Variants in SLC9B2 observed in about 807,000 individuals in gnomAD.
The protein encoded by SLC9B2 is solute carrier family 9 member B2.
SLC9B2 carries 39 observed loss-of-function variants against 52.2 expected under a neutral mutation model. The observed-to-expected ratio is 0.75, with a 90% CI of 0.58 to 0.98. SLC9B2 has a LOEUF of 0.98. Among genes scored for constraint, SLC9B2 ranks in the 50% least tolerant of loss-of-function variants. SLC9B2 has a pLI of 0.00. For synonymous variants in SLC9B2, 214 were observed against 227.0 expected (o/e 0.94, Z 0.51); for missense variants, 626 against 637.5 (o/e 0.98, Z 0.19).
chr4:103,075,976 C>G (rs1356338256), intron 1 of SLC9B2, among the ~76,000 whole-genome samples: 1 of 152,312 alleles, frequency 6.6e-6, no homozygotes, highest in East Asian at 1.9e-4. Flanking sequence ...GGCAACACCC[C>G]CTCTGGTTAA....
chr4:103,043,718 A>G (rs186711418), intron 8 of SLC9B2, among the ~76,000 whole-genome samples: 2 of 152,288 alleles, frequency 1.3e-5, no homozygotes, highest in African/African-American at 4.8e-5. Flanking sequence ...GTAGCAGAAA[A>G]AAAGTACATG....
intron 5 of SLC9B2, 29 bp downstream of exon 5, chr4:103,050,211 T>C (rs754891270): frequency 1.3e-6 from 2 of 1,533,582 alleles, no homozygotes; most frequent in Non-Finnish European, 1.8e-6. Context: ...AAGATTCCTA[T>C]TTAATAATGA....
intron 1 of SLC9B2, among the ~76,000 whole-genome samples, chr4:103,071,455 G>T (rs1182087758): frequency 6.6e-6 from 1 of 150,640 alleles, no homozygotes; most frequent in Non-Finnish European, 1.5e-5. Flanking sequence ...CACGATCTCA[G>T]CTCACTGCAA....
chr4:103,038,662 C>A (rs897114733), intron 9 of SLC9B2, among the ~76,000 whole-genome samples: 1 of 152,004 alleles, frequency 6.6e-6, no homozygotes, highest in Non-Finnish European at 1.5e-5. Context: ...TTTGGAGGAC[C>A]AACAAAGGAG....
intron 7 of SLC9B2, among the ~76,000 whole-genome samples, chr4:103,046,485 T>G (rs1373744278): frequency 1.3e-5 from 2 of 152,150 alleles, no homozygotes; most frequent in Admixed American, 6.5e-5. Context: ...TACCTCAATT[T>G]CAGACACTTA....
intron 7 of SLC9B2, among the ~76,000 whole-genome samples, chr4:103,045,789 C>T (rs1441342797): frequency 6.6e-6 from 1 of 152,122 alleles, no homozygotes; most frequent in African/African-American, 2.4e-5. Flanking sequence ...CACTGGTTTC[C>T]ACTCCAAAAG....
rs746110219 is a variant in SLC9B2 at position 103,057,991 on chromosome 4, C to T, written c.272-20G>A. The T allele has an allele frequency of 4.4e-6, 7 of 1,591,690 alleles. No homozygotes were observed. In the Middle Eastern group the frequency reaches 1.0e-3, roughly 228 times the overall value. ...TGGTAACTGAAATAAACCAGGAATA[C>T]TAGTTACTATCAATAAGTTGTCACA... On this transcript the variant is annotated intron_variant, in intron 3 of 11. Transcript: ENST00000394785.
intron 9 of SLC9B2, among the ~76,000 whole-genome samples, chr4:103,032,210 A>G (rs1039801623): frequency 6.6e-6 from 1 of 152,180 alleles, no homozygotes; most frequent in Non-Finnish European, 1.5e-5. Context: ...CAATATTGGT[A>G]CATATATCTA....
At chr4:103,038,034 G>A (rs1280744093) in intron 9 of SLC9B2, among the ~76,000 whole-genome samples, 5 of 151,980 alleles carry the variant, frequency 3.3e-5, no homozygotes, top group Non-Finnish European at 5.9e-5. Flanking sequence ...GGGAAGTTTT[G>A]TATTTTTAGT....
chr4:103,075,970 A>ACAC (rs1747098279), intron 1 of SLC9B2, among the ~76,000 whole-genome samples: 1 of 152,202 alleles, frequency 6.6e-6, no homozygotes, highest in South Asian at 2.1e-4. Flanking sequence ...CACAAAGGCA[A>ACAC]CACCCCCTCT....
chr4:103,049,003 C>A lies in SLC9B2; in HGVS notation c.603G>T (p.Lys201Asn). ...CCATGGACAGTCTTACACAAACGCC[C>A]TTTAACTTCTTCAGGGCCTGAAATA... ...GLDSKALKKL[K>N]GVCVRLSMGP... The change falls in exon 6 of 12, where the codon AAG becomes AAT. Residue 201 changes from lysine (K) to asparagine (N), a missense_variant. Physicochemically the swap from Lys to Asn is moderately conservative, Grantham distance 94 (BLOSUM62 0). Transcript: ENST00000394785. The A allele has an allele frequency of 6.2e-7, 1 of 1,613,554 alleles. No individual in the cohort carries two copies. The highest frequency in any genetic ancestry group is 1.3e-5 in the African/African-American group (1 of 75,022).
At chr4:103,035,536 T>C (rs565278522) in intron 9 of SLC9B2, among the ~76,000 whole-genome samples, 2 of 152,294 alleles carry the variant, frequency 1.3e-5, no homozygotes, top group South Asian at 4.1e-4. Context: ...TTTCTGTCTT[T>C]AGGTGTTTGA....
chr4:103,048,776 C>T lies in SLC9B2; in HGVS notation c.713+117G>A, dbSNP rs956502395. 2.0e-5 allele frequency: 24 copies of T among 1,226,836 alleles called. No individual in the cohort carries two copies. The African/African-American group carries it at 2.9e-4, about 15-fold the overall frequency. 76.0% of individuals were successfully genotyped at this position (1,226,836 alleles called of 1,614,324 possible). A position where few individuals can be genotyped will look rare whatever the true frequency, so the allele number is the denominator to read the frequency against. On this transcript the variant is annotated intron_variant, in intron 6 of 11. Transcript: ENST00000394785. ...GAATATTTAAATTATGCTGTAACAT[C>T]TATGTTGCATTTTCTGATATCTATA...
At chr4:103,054,570 C>T (rs1744961470) in intron 4 of SLC9B2, among the ~76,000 whole-genome samples, 1 of 152,196 alleles carries the variant, frequency 6.6e-6, no homozygotes, top group Non-Finnish European at 1.5e-5. Flanking sequence ...CTTCACAACT[C>T]TGCCAGTATA....
chr4:103,036,634 A>C (rs1743205610), intron 9 of SLC9B2, among the ~76,000 whole-genome samples: 1 of 152,174 alleles, frequency 6.6e-6, no homozygotes, highest in African/African-American at 2.4e-5. Context: ...TATGAAACAC[A>C]AATTAAATTG....
intron 1 of SLC9B2, among the ~76,000 whole-genome samples, chr4:103,073,065 G>A (rs771765196): frequency 2.9e-4 from 44 of 152,204 alleles, no homozygotes; most frequent in Non-Finnish European, 3.8e-4. Flanking sequence ...CATCTTGCAA[G>A]CAGAGATCAA....
chr4:103,026,717 C>T (rs970877371), intron 11 of SLC9B2, 126 bp from the exon 12 acceptor site: 2 of 786,746 alleles, frequency 2.5e-6, no homozygotes, highest in East Asian at 5.4e-5. Flanking sequence ...TTGTAAGCAT[C>T]AGGAGATATA....
intron 3 of SLC9B2, among the ~76,000 whole-genome samples, chr4:103,064,565 G>A (rs1454526381): frequency 6.6e-6 from 1 of 152,132 alleles, no homozygotes; most frequent in Non-Finnish European, 1.5e-5. Context: ...AGGAAGAGTA[G>A]TTTGTTCTGT....
chr4:103,065,804 A>C (rs1285570567), intron 3 of SLC9B2: 1 of 152,254 alleles, frequency 6.6e-6, no homozygotes, highest in Non-Finnish European at 1.5e-5. Flanking sequence ...AAAAATTTTC[A>C]AAATAGTGCT....
Sources: allele counts gnomAD v4.1 joint callset (sites outside exome capture counted in the v4.1 genomes callset), GRCh38; gene constraint gnomAD v4.1.1; transcripts MANE v1.5; gene names NCBI Gene and HGNC (gene_info 2026-07-23, HGNC 2026-07-21).